Variants in FXYD6 observed in about 807,000 individuals in gnomAD.
FXYD6 encodes FXYD domain containing ion transport regulator 6, also known as FXYD domain-containing ion transport regulator 6.
Under a neutral mutation model 16.7 loss-of-function variants are expected in FXYD6, and 7 were observed. The ratio of observed to expected loss-of-function variants is 0.42; its 90% CI spans 0.24 to 0.79. FXYD6 has a LOEUF of 0.79. Ranked by LOEUF, FXYD6 falls within the 30% of genes least tolerant of loss-of-function variation. FXYD6 has a pLI of 0.28. For missense variants in FXYD6, 111 were observed against 116.2 expected, an observed-to-expected ratio of 0.95 and a Z score of 0.21; for synonymous variants, 49 against 43.0, an observed-to-expected ratio of 1.14 and a Z score of -0.54.
At chr11:117,857,044 G>A (rs2056745381) in intron 1 of FXYD6, among the ~76,000 whole-genome samples, 1 of 152,208 alleles carries the variant, frequency 6.6e-6, no homozygotes, top group Non-Finnish European at 1.5e-5. Context: ...TGGAGCCAGG[G>A]AAGAGGGCGA....
In FXYD6 at chr11:117,837,617, A is replaced by T. The variant is rs1176329050; in HGVS notation, c.*682T>A. 6.5e-6 allele frequency: 1 copy of T among 152,902 alleles called. No individual in the cohort carries two copies. 9.5% of individuals were successfully genotyped at this position (152,902 alleles called of 1,614,324 possible). ...GCCCCTGGGAAGAAATTAACCACGG[A>T]AGGGCATAGCCTGCCTGACGTCAAC... On this transcript the variant is annotated 3_prime_UTR_variant, in exon 8 of 8. Coordinates refer to ENST00000526014, the MANE Select transcript of FXYD6 (RefSeq NM_022003.4). The surrounding 1 kb of genome is among the most constrained non-coding windows in gnomAD (Gnocchi z 4.4).
chr11:117,845,738 T>C (rs1145223), intron 1 of FXYD6, among the ~76,000 whole-genome samples: 127,557 of 152,188 alleles, frequency 0.84, 53,908 homozygotes, highest in East Asian at 1. Flanking sequence ...AACAGTTTTT[T>C]GATTCTTTGA....
intron 5 of FXYD6, 94 bp from the exon 6 acceptor site, chr11:117,840,462 A>C: frequency 6.4e-7 from 1 of 1,553,626 alleles, no homozygotes; most frequent in Non-Finnish European, 8.8e-7. Flanking sequence ...AGCTGCCTGC[A>C]GTCAGGCTCC....
At chr11:117,843,744 G>A (rs1457644598) in intron 1 of FXYD6, 1 of 152,250 alleles carries the variant, frequency 6.6e-6, no homozygotes, top group African/African-American at 2.4e-5. Context: ...AAAGGAGTTT[G>A]AAGGCTGGTT....
At chr11:117,859,604 C>T (rs562312316) in intron 1 of FXYD6, among the ~76,000 whole-genome samples, 1 of 152,304 alleles carries the variant, frequency 6.6e-6, no homozygotes, top group South Asian at 2.1e-4. Flanking sequence ...CCGATGCTAA[C>T]ACTGATAATG....
rs575493698 is a variant in FXYD6 at position 117,858,865 on chromosome 11, T to C, written c.-5-16084A>G. 9.9e-5 allele frequency among the ~76,000 whole-genome samples: 15 copies of C among 151,564 alleles called. 1 individual carries two copies. Among genetic ancestry groups the C allele is most frequent in the African/African-American group, 3.6e-4 (15 of 41,284 alleles). ...ATCTTGGCTCACTGCAACCTCCTCC[T>C]CCCAGGCTCAAGCGATTCTCCTGCC... is the stretch of plus-strand genomic sequence containing the variant. On this transcript the variant is annotated intron_variant, in intron 1 of 7. Coordinates refer to ENST00000526014, the MANE Select transcript of FXYD6 (RefSeq NM_022003.4).
intron 1 of FXYD6, among the ~76,000 whole-genome samples, chr11:117,849,401 C>G (rs1251014620): frequency 1.3e-5 from 2 of 152,160 alleles, no homozygotes; most frequent in Non-Finnish European, 2.9e-5. Context: ...TTGAGACTTG[C>G]TTTATGACCT....
Position 117,838,028 on chromosome 11 carries a change from C to G in FXYD6, c.*271G>C. 1 of 606,784 alleles carries G rather than the reference C, an allele frequency of 1.6e-6. No homozygotes were observed. Among genetic ancestry groups the G allele is most frequent in the Non-Finnish European group, 2.9e-6 (1 of 339,972 alleles). The allele number at this position is 606,784 out of a possible 1,614,324, so 37.6% of individuals were successfully genotyped here. A position where few individuals can be genotyped will look rare whatever the true frequency, so the allele number is the denominator to read the frequency against. ...AAGTAGCCACAAAGACCACAGTTAG[C>G]AAACACACACAGTCACACACACACA... On this transcript the variant is annotated 3_prime_UTR_variant, in exon 8 of 8. Coordinates refer to ENST00000526014, the MANE Select transcript of FXYD6 (RefSeq NM_022003.4).
intron 1 of FXYD6, among the ~76,000 whole-genome samples, chr11:117,849,238 A>T (rs2056548084): frequency 6.6e-6 from 1 of 152,230 alleles, no homozygotes; most frequent in Non-Finnish European, 1.5e-5. Context: ...AAACCTCCTT[A>T]CAATTTCTTG....
intron 7 of FXYD6, chr11:117,839,411 C>A: frequency 7.3e-6 from 2 of 275,198 alleles, no homozygotes; most frequent in East Asian, 1.3e-4. Context: ...AACAAGTGGC[C>A]CTAAAGTACT....
chr11:117,859,433 G>A (rs529175629), intron 1 of FXYD6, among the ~76,000 whole-genome samples: 59 of 152,360 alleles, frequency 3.9e-4, no homozygotes, highest in African/African-American at 1.3e-3. Context: ...AAGAAACTAA[G>A]AGGAATTAAA....
chr11:117,854,408 G>A (rs905888545), intron 1 of FXYD6, among the ~76,000 whole-genome samples: 3 of 152,174 alleles, frequency 2.0e-5, no homozygotes, highest in African/African-American at 4.8e-5. Flanking sequence ...AGCAGTTCAG[G>A]TTGCTGCTGT....
In FXYD6 at chr11:117,858,725, C is replaced by T. The variant is rs55952128; in HGVS notation, c.-5-15944G>A. On this transcript the variant is annotated intron_variant, in intron 1 of 7. Coordinates refer to ENST00000526014, the MANE Select transcript of FXYD6 (RefSeq NM_022003.4). ...TTTCTCTCTCTCTCTCCTTCCTTCC[C>T]TTCCTTCCTTCCTTCCTTCCTTCCT... Among the ~76,000 whole-genome samples, 15 of 47,068 alleles carry T rather than the reference C, an allele frequency of 3.2e-4. 2 individuals are homozygous for T. In the East Asian group the frequency reaches 8.1e-3, roughly 25 times the overall value. The allele number at this position is 47,068 out of a possible 152,430, so 30.9% of individuals were successfully genotyped here.
At chr11:117,854,330 G>C (rs2056675966) in intron 1 of FXYD6, among the ~76,000 whole-genome samples, 1 of 152,186 alleles carries the variant, frequency 6.6e-6, no homozygotes, top group Non-Finnish European at 1.5e-5. Context: ...TGGCAATAGG[G>C]CTCTTCCTGC....
intron 1 of FXYD6, among the ~76,000 whole-genome samples, chr11:117,860,870 G>A (rs974468639): frequency 2.6e-5 from 4 of 152,142 alleles, no homozygotes; most frequent in South Asian, 2.1e-4. Context: ...CTATTATTAC[G>A]ATCATTCCCT....
At chr11:117,856,488 C>T (rs1386766974) in intron 1 of FXYD6, among the ~76,000 whole-genome samples, 1 of 152,148 alleles carries the variant, frequency 6.6e-6, no homozygotes, top group African/African-American at 2.4e-5. Context: ...GAGGGGTCAC[C>T]GGGCCTGGGT....
chr11:117,839,631 A>G (rs1341556526), intron 7 of FXYD6, 150 bp downstream of exon 7: 2 of 839,948 alleles, frequency 2.4e-6, no homozygotes. Context: ...AGCCCCTTTC[A>G]GACTCCTGAA....
chr11:117,858,544 G>T (rs1245016615), intron 1 of FXYD6, among the ~76,000 whole-genome samples: 3 of 152,098 alleles, frequency 2.0e-5, no homozygotes, highest in East Asian at 1.9e-4. Flanking sequence ...TCCTGTCAAA[G>T]TTCCCAAGCC....
chr11:117,862,508 C>T (rs12277914), intron 1 of FXYD6, among the ~76,000 whole-genome samples: 24,130 of 152,234 alleles, frequency 0.16, 2,117 homozygotes, highest in African/African-American at 0.22. Flanking sequence ...TACAGGGCCG[C>T]TGCCCAGAAG....
Sources: allele counts gnomAD v4.1 joint callset (sites outside exome capture counted in the v4.1 genomes callset), GRCh38; gene constraint gnomAD v4.1.1; non-coding constraint Gnocchi (gnomAD v3.1); transcripts MANE v1.5; gene names NCBI Gene and HGNC (gene_info 2026-07-23, HGNC 2026-07-21).